The following TFB2M variants were observed in gnomAD, a reference collection of about 807,000 sequenced individuals.
TFB2M encodes dimethyladenosine transferase 2, mitochondrial.
Under a neutral mutation model 41.3 loss-of-function variants are expected in TFB2M, and 44 were observed. That is an observed-to-expected ratio of 1.07 (90% CI 0.84 to 1.37). The LOEUF is 1.37. Among genes scored for constraint, TFB2M ranks in the 40% most tolerant of loss-of-function variants. TFB2M has a pLI of 0.00. For missense variants in TFB2M, 496 were observed against 490.2 expected (o/e 1.01, Z -0.11); for synonymous variants, 188 against 176.8 (o/e 1.06, Z -0.50).
In TFB2M at chr1:246,566,051, C is replaced by T. The variant is rs771821770; in HGVS notation, c.88G>A (p.Ala30Thr). The change falls in exon 1 of 8, where the codon GCG (alanine) becomes ACG (threonine). Residue 30 changes from alanine to threonine, a missense_variant. Transcript: ENST00000366514. Reference sequence around the variant, plus strand: ...GCCGGCAAATGCTTTCGCGTCGCCGCTTCAGACCCTAAAATGCAAAAGCGA... The same window carrying T: ...GCCGGCAAATGCTTTCGCGTCGCCGTTTCAGACCCTAAAATGCAAAAGCGA... ...AGRFCILGSE[A>T]ATRKHLPARN... 3 of 1,614,164 alleles carry T rather than the reference C, an allele frequency of 1.9e-6. No individual in the cohort carries two copies. Among genetic ancestry groups the T allele is most frequent in the African/African-American group, 2.7e-5 (2 of 75,070 alleles).
In TFB2M at chr1:246,557,501, C is replaced by T; in HGVS notation, c.436G>A (p.Val146Met). Residue 146 changes from valine (V) to methionine (M), a missense_variant, in exon 3 of 8, where the codon GTG (valine) becomes ATG (methionine). Physicochemically the swap from Val to Met is conservative, Grantham distance 21 (BLOSUM62 1). Transcript: ENST00000366514. ...AGTTTAAAGAAGTCACAGTGAATCA[C>T]TCGTAGTTTTCCATCCAGATTTTTT... Reference protein sequence around the residue: ...LGKNLDGKLRVIHCDFFKLDP... With the variant: ...LGKNLDGKLRMIHCDFFKLDP... 1 of 1,608,980 alleles carries T rather than the reference C, an allele frequency of 6.2e-7. No individual in the cohort carries two copies. Among genetic ancestry groups the T allele is most frequent in the Non-Finnish European group, 8.5e-7 (1 of 1,178,396 alleles).
chr1:246,566,167 A>C lies in TFB2M; in HGVS notation c.-29T>G, dbSNP rs753951222. On this transcript the variant is annotated 5_prime_UTR_variant, in exon 1 of 8. Coordinates refer to ENST00000366514, the MANE Select transcript of TFB2M (RefSeq NM_022366.3). ...CTTGTCTCTCAGGCCCGCTCCAAGA[A>C]TCACCTAGTGCAGCTACTACAGTGA... The C allele has an allele frequency of 6.3e-7, 1 of 1,591,434 alleles. No homozygotes were observed. The highest frequency in any genetic ancestry group is 8.6e-7 in the Non-Finnish European group (1 of 1,164,832).
rs773330674 is a variant in TFB2M at position 246,541,068 on chromosome 1, T to C, written c.1154A>G (p.Tyr385Cys). Residue 385 changes from tyrosine to cysteine, a missense_variant, in exon 8 of 8, where the codon TAT (tyrosine) becomes TGT (cysteine). Physicochemically the swap from Tyr to Cys is radical, Grantham distance 194. Coordinates refer to ENST00000366514, the MANE Select transcript of TFB2M (RefSeq NM_022366.3). Reference protein sequence around the residue: ...ETIERSKDCAYKWLYDETLED... With the variant: ...ETIERSKDCACKWLYDETLED... The stretch of plus-strand genomic sequence containing the variant: ...CAGGGTTTCATCATACAGCCATTTA[T>C]AAGCACAATCTTTGGAACGCTCTAT... 1 of 1,613,598 alleles carries C rather than the reference T, an allele frequency of 6.2e-7. No individual in the cohort carries two copies. Among genetic ancestry groups the C allele is most frequent in the Non-Finnish European group, 8.5e-7 (1 of 1,179,732 alleles).
chr1:246,562,233 T>G (rs191152457), intron 2 of TFB2M, among the ~76,000 whole-genome samples: 1 of 152,188 alleles, frequency 6.6e-6, no homozygotes, highest in African/African-American at 2.4e-5. Flanking sequence ...TTTCACAAAG[T>G]TGGCATAGAG....
intron 2 of TFB2M, among the ~76,000 whole-genome samples, chr1:246,561,929 T>C (rs1659465967): frequency 6.6e-6 from 1 of 152,200 alleles, no homozygotes; most frequent in Non-Finnish European, 1.5e-5. Context: ...AAAGTTATCT[T>C]CTCATTTTTA....
At chr1:246,548,381 A>G (rs1213469385) in intron 6 of TFB2M, among the ~76,000 whole-genome samples, 164 bp downstream of exon 6, 1 of 152,212 alleles carries the variant, frequency 6.6e-6, no homozygotes, top group African/African-American at 2.4e-5. Flanking sequence ...TAACTCTTCC[A>G]AAATACTTTT....
At chr1:246,551,881 C>T (rs1659194739) in intron 4 of TFB2M, among the ~76,000 whole-genome samples, 1 of 152,168 alleles carries the variant, frequency 6.6e-6, no homozygotes, top group South Asian at 2.1e-4. Context: ...CTTGTCTTTC[C>T]TTTGTTGAAT....
chr1:246,565,807 G>A lies in TFB2M; in HGVS notation c.313+19C>T, dbSNP rs2102992901. The stretch of plus-strand genomic sequence containing the variant: ...ATAAATGATGAACATCCAAGAAAAT[G>A]CAATTCAGCTGGACTCACCTGGATT... On this transcript the variant is annotated intron_variant, in intron 1 of 7. Coordinates refer to ENST00000366514, the MANE Select transcript of TFB2M (RefSeq NM_022366.3). 1 of 1,586,302 alleles carries A rather than the reference G, an allele frequency of 6.3e-7. No homozygotes were observed. The highest frequency in any genetic ancestry group is 1.1e-5 in the South Asian group (1 of 90,482).
intron 7 of TFB2M, among the ~76,000 whole-genome samples, chr1:246,543,887 G>A (rs1476148648): frequency 1.3e-5 from 2 of 151,944 alleles, no homozygotes; most frequent in African/African-American, 2.4e-5. Context: ...CTACTCAGGA[G>A]GCTGAGGTGG....
intron 4 of TFB2M, among the ~76,000 whole-genome samples, chr1:246,554,419 A>G (rs1249149232): frequency 6.6e-6 from 1 of 152,004 alleles, no homozygotes; most frequent in Non-Finnish European, 1.5e-5. Flanking sequence ...CACCGTTCAC[A>G]TCACCGCCTG....
At chr1:246,545,946 T>C (rs986718423) in intron 6 of TFB2M, among the ~76,000 whole-genome samples, 2 of 149,642 alleles carry the variant, frequency 1.3e-5, no homozygotes, top group African/African-American at 4.9e-5. Flanking sequence ...GCACAGAACA[T>C]CCTCTGTCTG....
chr1:246,558,465 A>G (rs1007953409), intron 2 of TFB2M, among the ~76,000 whole-genome samples: 2 of 152,066 alleles, frequency 1.3e-5, no homozygotes, highest in Non-Finnish European at 2.9e-5. Flanking sequence ...TTTCTTTATC[A>G]TAATGGCTTC....
At chr1:246,542,932 T>C (rs528936169) in intron 7 of TFB2M, among the ~76,000 whole-genome samples, 13 of 148,876 alleles carry the variant, frequency 8.7e-5, no homozygotes, top group African/African-American at 3.2e-4. Context: ...GATAGAGTCT[T>C]GCTCTGTCAC....
At position 246,541,362 on chromosome 1, in the gene TFB2M, G is replaced by A. The variant is rs191963470; in HGVS notation, c.1020-160C>T. On this transcript the variant is annotated intron_variant, in intron 7 of 7. Transcript: ENST00000366514. The stretch of plus-strand genomic sequence containing the variant: ...GAATCAGCAGGGAAGAGGATGGGAG[G>A]AGGGTGAAGGATGGGAGGAGGGTGA... Among the ~76,000 whole-genome samples, 960 of 152,186 alleles carry A rather than the reference G, an allele frequency of 6.3e-3. 5 individuals are homozygous for A. The highest frequency in any genetic ancestry group is 0.01 in the Non-Finnish European group (708 of 68,020).
intron 6 of TFB2M, among the ~76,000 whole-genome samples, chr1:246,544,930 C>T (rs775055357): frequency 7.9e-5 from 12 of 152,178 alleles, no homozygotes; most frequent in African/African-American, 1.7e-4. Flanking sequence ...CTCAGCCTCC[C>T]GAGTAGCTGG....
chr1:246,547,882 T>G (rs572890699), intron 6 of TFB2M, among the ~76,000 whole-genome samples: 2 of 152,136 alleles, frequency 1.3e-5, no homozygotes, highest in East Asian at 1.9e-4. Flanking sequence ...GCCTAACTCC[T>G]GGGTAAAAAT....
chr1:246,544,456 C>T (rs776667616), intron 7 of TFB2M, 65 bp downstream of exon 7: 10 of 1,407,368 alleles, frequency 7.1e-6, no homozygotes, highest in Non-Finnish European at 7.8e-6. Flanking sequence ...AAATAGATCT[C>T]TAGCATGAAA....
intron 1 of TFB2M, among the ~76,000 whole-genome samples, chr1:246,565,480 TA>T (rs1659604249): frequency 6.6e-6 from 1 of 152,124 alleles, no homozygotes; most frequent in Non-Finnish European, 1.5e-5. Context: ...TTGGGAGACC[TA>T]GGGGGGAGGA....
In TFB2M at chr1:246,548,610, G is replaced by A; in HGVS notation, c.796-3C>T. On this transcript the variant is annotated splice_polypyrimidine_tract_variant and splice_region_variant and intron_variant, in intron 5 of 7. Coordinates refer to ENST00000366514, the MANE Select transcript of TFB2M (RefSeq NM_022366.3). ...ATATCAAATGATGACCAAGGCTCCT[G>A]GGGAAGAAAAACAAAGCAAAACAAC... 1 of 1,611,180 alleles carries A rather than the reference G, an allele frequency of 6.2e-7. No homozygotes were observed. Among genetic ancestry groups the A allele is most frequent in the Non-Finnish European group, 8.5e-7 (1 of 1,179,096 alleles).
Sources: allele counts gnomAD v4.1 joint callset (sites outside exome capture counted in the v4.1 genomes callset), GRCh38; gene constraint gnomAD v4.1.1; transcripts MANE v1.5; gene names NCBI Gene and HGNC (gene_info 2026-07-23, HGNC 2026-07-21).